Variants in PSMD12 observed in about 807,000 individuals in gnomAD.
PSMD12 encodes the protein 26S proteasome non-ATPase regulatory subunit 12.
A neutral mutation model predicts 62.9 loss-of-function variants in PSMD12; 8 were observed. The observed-to-expected ratio is 0.13, with a 90% CI of 0.07 to 0.23. PSMD12 has a LOEUF of 0.23. PSMD12 is among the 10% of genes least tolerant of loss of function. The probability of loss-of-function intolerance (pLI) is 1.00; values close to 1 mark genes in which losing one functional copy is unlikely to be tolerated. For synonymous variants in PSMD12, 173 were observed against 187.4 expected, an observed-to-expected ratio of 0.92 and a Z score of 0.63; for missense variants, 424 against 550.2, an observed-to-expected ratio of 0.77 and a Z score of 2.29.
At chr17:67,346,130 C>T (rs867625689) in intron 7 of PSMD12, among the ~76,000 whole-genome samples, 18 of 151,998 alleles carry the variant, frequency 1.2e-4, no homozygotes, top group Middle Eastern at 3.2e-3. Flanking sequence ...CGGTGGTTCA[C>T]GCCTATAATC....
chr17:67,343,258 C>A (rs1205640976), intron 9 of PSMD12, among the ~76,000 whole-genome samples: 1 of 152,186 alleles, frequency 6.6e-6, no homozygotes, highest in Non-Finnish European at 1.5e-5. Context: ...GTGCTTTTAT[C>A]CTTTAAATCT....
chr17:67,343,618 A>G (rs2041935831), intron 9 of PSMD12, among the ~76,000 whole-genome samples: 1 of 152,134 alleles, frequency 6.6e-6, no homozygotes, highest in Admixed American at 6.6e-5. Context: ...CTCTCTAGAT[A>G]CTTGTACTAC....
intron 3 of PSMD12, among the ~76,000 whole-genome samples, chr17:67,356,881 T>G (rs1391998208): frequency 1.3e-5 from 2 of 151,760 alleles, no homozygotes. Flanking sequence ...TGTGGCGGCA[T>G]GCGCTTACAG....
In PSMD12 at chr17:67,338,862, G is replaced by A. The variant is rs12951876; in HGVS notation, c.*1981C>T. Reference sequence around the variant, plus strand: ...AGTGAAACTCCGTCTCAAAAAATATGAAAAAAATAAAGAGGAGGAACACTT... The same window carrying A: ...AGTGAAACTCCGTCTCAAAAAATATAAAAAAAATAAAGAGGAGGAACACTT... On this transcript the variant is annotated 3_prime_UTR_variant, in exon 11 of 11. Coordinates refer to ENST00000356126, the MANE Select transcript of PSMD12 (RefSeq NM_002816.5). The A allele has an allele frequency of 1.3e-5, 2 of 151,884 alleles. No homozygotes were observed. Among genetic ancestry groups the A allele is most frequent in the Admixed American group, 1.3e-4 (2 of 15,240 alleles). 9.4% of individuals were successfully genotyped at this position (151,884 alleles called of 1,614,324 possible).
chr17:67,342,578 C>A, intron 9 of PSMD12: 1 of 175,114 alleles, frequency 5.7e-6, no homozygotes, highest in East Asian at 1.5e-4. Context: ...TTGCTGAGTG[C>A]AAGAATCTAA....
intron 1 of PSMD12, among the ~76,000 whole-genome samples, chr17:67,359,223 C>A (rs1164783810): frequency 2.6e-5 from 4 of 152,074 alleles, no homozygotes; most frequent in Non-Finnish European, 4.4e-5. Flanking sequence ...GGCAAGGTAG[C>A]CTGTGCCTGT....
At position 67,340,826 on chromosome 17, in the gene PSMD12, C is replaced by T; in HGVS notation, c.*17G>A. The T allele has an allele frequency of 6.6e-7, 1 of 1,520,786 alleles. No homozygotes were observed. Among genetic ancestry groups the T allele is most frequent in the Non-Finnish European group, 8.8e-7 (1 of 1,138,408 alleles). 94.2% of individuals were successfully genotyped at this position (1,520,786 alleles called of 1,614,324 possible). ...AATGACTTCCAATTTTAACTTTTTTCTAAAGCACTAAGACCCTTATTGTAG... is the reference window on the plus strand; with the variant it reads ...AATGACTTCCAATTTTAACTTTTTTTTAAAGCACTAAGACCCTTATTGTAG... On this transcript the variant is annotated 3_prime_UTR_variant, in exon 11 of 11. Coordinates refer to ENST00000356126, the MANE Select transcript of PSMD12 (RefSeq NM_002816.5).
chr17:67,342,280 G>A lies in PSMD12; in HGVS notation c.1084-17C>T, dbSNP rs765385761. ...TCTAATATTCTGGGGAGAGGATAGA[G>A]AGCAGGGAGAACACGTAACATTTGT... is the stretch of plus-strand genomic sequence containing the variant. On this transcript the variant is annotated splice_polypyrimidine_tract_variant and intron_variant, in intron 9 of 10. Coordinates refer to ENST00000356126, the MANE Select transcript of PSMD12 (RefSeq NM_002816.5). 6.7e-7 allele frequency: 1 copy of A among 1,481,920 alleles called. No homozygotes were observed. Among genetic ancestry groups the A allele is most frequent in the Admixed American group, 1.8e-5 (1 of 56,840 alleles). 91.8% of individuals were successfully genotyped at this position (1,481,920 alleles called of 1,614,324 possible). A position where few individuals can be genotyped will look rare whatever the true frequency, so the allele number is the denominator to read the frequency against.
rs1430559303 is a variant in PSMD12 at position 67,348,606 on chromosome 17, T to C, written c.454A>G (p.Ile152Val). ...TTCACATCACCATTTTGTTCTTTTATAGTTGCTAATGTTTTAGTCAGTCGC... is the reference window on the plus strand; with the variant it reads ...TTCACATCACCATTTTGTTCTTTTACAGTTGCTAATGTTTTAGTCAGTCGC... ...RARLTKTLAT[I>V]KEQNGDVKEA... Residue 152 changes from isoleucine (I) to valine (V), a missense_variant, in exon 5 of 11, where the codon ATA (isoleucine) becomes GTA (valine). Ile to Val is a conservative substitution (Grantham distance 29, BLOSUM62 3). Transcript: ENST00000356126. The C allele has an allele frequency of 6.2e-7, 1 of 1,613,838 alleles. No homozygotes were observed. The highest frequency in any genetic ancestry group is 1.1e-5 in the South Asian group (1 of 91,048).
At chr17:67,358,397 T>C (rs992770518) in intron 1 of PSMD12, among the ~76,000 whole-genome samples, 4 of 150,744 alleles carry the variant, frequency 2.7e-5, no homozygotes, top group African/African-American at 9.7e-5. Flanking sequence ...GCGAAACCTG[T>C]CTCTACAAAA....
chr17:67,350,214 C>A lies in PSMD12; in HGVS notation c.405+15G>T. 1.3e-6 allele frequency: 2 copies of A among 1,553,978 alleles called. No homozygotes were observed. The highest frequency in any genetic ancestry group is 1.8e-5 in the Admixed American group (1 of 56,652). ...CAGTTCATATCATTTTGAGTTATGT[C>A]AACAGAAAATTTACCTTGCCTTCGG... On this transcript the variant is annotated intron_variant, in intron 4 of 10. Coordinates refer to ENST00000356126, the MANE Select transcript of PSMD12 (RefSeq NM_002816.5).
intron 3 of PSMD12, among the ~76,000 whole-genome samples, chr17:67,352,882 A>G (rs2042031076): frequency 6.6e-6 from 1 of 152,194 alleles, no homozygotes; most frequent in African/African-American, 2.4e-5. Context: ...AACCCTTATT[A>G]TACTTCACAA....
intron 3 of PSMD12, among the ~76,000 whole-genome samples, chr17:67,353,698 C>T (rs1335382759): frequency 6.6e-6 from 1 of 152,176 alleles, no homozygotes; most frequent in South Asian, 2.1e-4. Context: ...AAAGAGGACT[C>T]TGTGGGCCAC....
At chr17:67,347,928 T>C (rs1598560758) in intron 5 of PSMD12, among the ~76,000 whole-genome samples, 1 of 152,236 alleles carries the variant, frequency 6.6e-6, no homozygotes. Context: ...ATGGCCTAAA[T>C]TGTAAGATTC....
chr17:67,366,461 T>C lies in PSMD12; in HGVS notation c.59A>G (p.Tyr20Cys), dbSNP rs1395113947. Reference sequence around the variant, plus strand: ...TAGGCGCTGATCCACCGTGGCGCTGTAGTCCACCTCCATCTTGACGATGCG... The same window carrying C: ...TAGGCGCTGATCCACCGTGGCGCTGCAGTCCACCTCCATCTTGACGATGCG... ...DGRIVKMEVD[Y>C]SATVDQRLPE... is the part of the protein sequence containing the mutation. Residue 20 changes from tyrosine (Y) to cysteine (C), a missense_variant, in exon 1 of 11, where the codon TAC (tyrosine) becomes TGC (cysteine). Coordinates refer to ENST00000356126, the MANE Select transcript of PSMD12 (RefSeq NM_002816.5). The C allele has an allele frequency of 1.2e-6, 2 of 1,612,426 alleles. No homozygotes were observed. Among genetic ancestry groups the C allele is most frequent in the East Asian group, 2.2e-5 (1 of 44,858 alleles).
intron 7 of PSMD12, among the ~76,000 whole-genome samples, chr17:67,346,475 G>A (rs1462339071): frequency 2.0e-5 from 3 of 152,030 alleles, no homozygotes; most frequent in African/African-American, 4.8e-5. Flanking sequence ...TGAGGCAGGC[G>A]AGTCACTTGA....
intron 3 of PSMD12, among the ~76,000 whole-genome samples, chr17:67,351,316 C>T (rs1021170740): frequency 4.6e-5 from 7 of 151,486 alleles, no homozygotes; most frequent in Non-Finnish European, 8.8e-5. Context: ...GGTGTGAACC[C>T]GGGAGGCGGA....
At chr17:67,365,205 T>TAAA (rs2042168105) in intron 1 of PSMD12, among the ~76,000 whole-genome samples, 1 of 143,854 alleles carries the variant, frequency 7.0e-6, no homozygotes, top group African/African-American at 2.6e-5. Context: ...AAAAAAAAAG[T>TAAA]TCAGGTTTTC....
intron 1 of PSMD12, among the ~76,000 whole-genome samples, chr17:67,358,567 C>CAAAAAAAAAAAAAAA (rs398039153): frequency 1.6e-4 from 12 of 74,064 alleles, no homozygotes; most frequent in African/African-American, 2.7e-4. Context: ...GAACCTGTCT[C>CAAAAAAAAAAAAAAA]AAAAAAAAAA....
Sources: gnomAD v4.1 joint callset for allele counts (sites outside exome capture counted in the v4.1 genomes callset) on GRCh38, gnomAD v4.1.1 for gene constraint, MANE v1.5 for transcripts, NCBI Gene and HGNC (gene_info 2026-07-23, HGNC 2026-07-21) for gene names.